Variants in NDUFS7 observed in about 807,000 individuals in gnomAD.
NDUFS7 encodes NADH:ubiquinone oxidoreductase core subunit S7.
Under a neutral mutation model 31.1 loss-of-function variants are expected in NDUFS7, and 11 were observed. The observed-to-expected ratio is 0.35, with a 90% CI of 0.22 to 0.59. The LOEUF (loss-of-function observed/expected upper bound fraction) is 0.59, where lower values mean the gene tolerates loss of function less well. Ranked by LOEUF, NDUFS7 falls within the 20% of genes least tolerant of loss-of-function variation. The pLI, the probability that NDUFS7 is intolerant of heterozygous loss-of-function variation, is 0.79. For synonymous variants in NDUFS7, 136 were observed against 127.9 expected (o/e 1.06, Z -0.43); for missense variants, 263 against 324.2 (o/e 0.81, Z 1.45).
intron 6 of NDUFS7, among the ~76,000 whole-genome samples, chr19:1,391,559 T>C (rs867890104): frequency 1.4e-5 from 2 of 146,778 alleles, no homozygotes; most frequent in African/African-American, 5.1e-5. Flanking sequence ...CCATCTCGGC[T>C]CACTGCAACC....
chr19:1,384,293 T>C, intron 1 of NDUFS7: 1 of 356,150 alleles, frequency 2.8e-6, no homozygotes, highest in Non-Finnish European at 5.0e-6. Context: ...GGGGCCTGCC[T>C]GACAGGCTGG....
chr19:1,385,783 C>A (rs1167847607), intron 1 of NDUFS7, among the ~76,000 whole-genome samples: 3 of 152,188 alleles, frequency 2.0e-5, no homozygotes, highest in Non-Finnish European at 4.4e-5. Context: ...TGTGCCGTTG[C>A]ACTCCAGCCT....
At chr19:1,394,134 T>A (rs1462712506) in intron 7 of NDUFS7, 1 of 342,606 alleles carries the variant, frequency 2.9e-6, no homozygotes, top group Non-Finnish European at 5.8e-6. Flanking sequence ...TCTGGGGGTT[T>A]GGGCAAGCGA....
intron 4 of NDUFS7, chr19:1,389,171 A>G (rs1280086538): frequency 4.3e-6 from 3 of 694,350 alleles, no homozygotes; most frequent in Non-Finnish European, 7.9e-6. Context: ...GCACACTTGC[A>G]CACACATGCA....
intron 4 of NDUFS7, chr19:1,389,163 A>G (rs1183096311): frequency 8.6e-6 from 6 of 698,548 alleles, no homozygotes; most frequent in Non-Finnish European, 1.6e-5. Context: ...GCACACATGC[A>G]CACTTGCACA....
At chr19:1,394,809 T>G (rs1018123780) in intron 7 of NDUFS7, 2 of 1,173,016 alleles carry the variant, frequency 1.7e-6, no homozygotes, top group Non-Finnish European at 1.1e-6. Flanking sequence ...CTCACCTGTT[T>G]CCACTCCTGC....
chr19:1,390,654 C>T (rs1000607911), intron 4 of NDUFS7: 14 of 605,862 alleles, frequency 2.3e-5, no homozygotes, highest in East Asian at 5.5e-5. Flanking sequence ...AGATCTCACC[C>T]GTTTCTCTCT....
intron 1 of NDUFS7, 114 bp downstream of exon 1, chr19:1,384,056 C>A: frequency 8.4e-7 from 1 of 1,187,116 alleles, no homozygotes; most frequent in Non-Finnish European, 1.1e-6. Flanking sequence ...CGGTCCTCTC[C>A]GGGCTTCTCC....
At chr19:1,388,636 C>A (rs745812336) in intron 3 of NDUFS7, 43 bp downstream of exon 3, 13 of 1,580,440 alleles carry the variant, frequency 8.2e-6, no homozygotes, top group Non-Finnish European at 1.1e-5. Flanking sequence ...CCTCGCCCCA[C>A]CCCCATCCCT....
intron 1 of NDUFS7, among the ~76,000 whole-genome samples, chr19:1,385,515 A>G (rs1245934714): frequency 6.8e-6 from 1 of 146,896 alleles, no homozygotes; most frequent in Non-Finnish European, 1.5e-5. Context: ...CTCCGTCTCA[A>G]AAACAAAAAC....
At chr19:1,388,637 C>A in intron 3 of NDUFS7, 44 bp downstream of exon 3, 1 of 1,582,224 alleles carries the variant, frequency 6.3e-7, no homozygotes, top group Non-Finnish European at 8.6e-7. Context: ...CTCGCCCCAC[C>A]CCCATCCCTT....
chr19:1,395,196 G>A, intron 7 of NDUFS7, 195 bp from the exon 8 acceptor site: 1 of 1,425,250 alleles, frequency 7.0e-7, no homozygotes, highest in Non-Finnish European at 9.2e-7. Flanking sequence ...TTGCCCAGGG[G>A]AGGACCCCAC....
chr19:1,389,840 G>A, intron 4 of NDUFS7: 1 of 311,256 alleles, frequency 3.2e-6, no homozygotes, highest in East Asian at 8.9e-5. Flanking sequence ...CGTCCTGCCA[G>A]GGCCGCAGTG....
At chr19:1,392,733 C>T (rs1340448011) in intron 6 of NDUFS7, 1 of 191,678 alleles carries the variant, frequency 5.2e-6, no homozygotes, top group Non-Finnish European at 1.1e-5. Flanking sequence ...TCATAACCGT[C>T]TCCCACTGCT....
chr19:1,392,996 A>G (rs940960174), intron 6 of NDUFS7: 19 of 583,398 alleles, frequency 3.3e-5, no homozygotes, highest in Admixed American at 5.9e-5. Flanking sequence ...ATCGGTGGTC[A>G]GGAGCCCCCT....
rs553982686 is a variant in NDUFS7 at position 1,390,297 on chromosome 19, C to T, written c.229-574C>T. On this transcript the variant is annotated intron_variant, in intron 4 of 7. Transcript: ENST00000233627. ...GCAGGTGGACCTGGCCATTTCTGCC[C>T]GGGCAGCCCTGCCTCACTCTGTAGC... 509 of 165,716 alleles carry T rather than the reference C, an allele frequency of 3.1e-3. 4 individuals are homozygous for T. The highest frequency in any genetic ancestry group is 0.011 in the African/African-American group (468 of 41,698). The allele number at this position is 165,716 out of a possible 1,614,324, so 10.3% of individuals were successfully genotyped here. A position where few individuals can be genotyped will look rare whatever the true frequency, so the allele number is the denominator to read the frequency against.
chr19:1,388,313 C>CA, intron 2 of NDUFS7: 1 of 622,046 alleles, frequency 1.6e-6, no homozygotes, highest in Admixed American at 2.5e-5. Context: ...GGGTACGTCA[C>CA]AAAAGAAGTT....
intron 2 of NDUFS7, 71 bp downstream of exon 2, chr19:1,387,918 GGTGGGGGGT>G (rs1405835749): frequency 6.7e-6 from 2 of 299,346 alleles, no homozygotes; most frequent in South Asian, 4.3e-5. Flanking sequence ...GGGCGGGGGG[GGTGGGGGGT>G]GGGGGGAGCG....
At chr19:1,388,436 G>A (rs1178020679) in intron 2 of NDUFS7, 89 bp from the exon 3 acceptor site, 1 of 1,199,980 alleles carries the variant, frequency 8.3e-7, no homozygotes, top group East Asian at 2.4e-5. Flanking sequence ...CTCGCAGCAG[G>A]GAGGGGAGAG....
Sources: allele counts gnomAD v4.1 joint callset (sites outside exome capture counted in the v4.1 genomes callset), GRCh38; gene constraint gnomAD v4.1.1; transcripts MANE v1.5; gene names NCBI Gene and HGNC (gene_info 2026-07-23, HGNC 2026-07-21).